Variants in CSMD3 observed in about 807,000 individuals in gnomAD.
CSMD3 encodes the protein CUB and Sushi multiple domains 3.
Under a neutral mutation model 435.2 loss-of-function variants are expected in CSMD3, and 177 were observed. That is an observed-to-expected ratio of 0.41 (90% CI 0.36 to 0.46). The LOEUF (loss-of-function observed/expected upper bound fraction) is 0.46. Among genes scored for constraint, CSMD3 ranks in the 20% least tolerant of loss-of-function variants. The pLI, the probability that CSMD3 is intolerant of heterozygous loss-of-function variation, is 0.34. For synonymous variants in CSMD3, 1,656 were observed against 1,520.5 expected (o/e 1.09, Z -2.07); for missense variants, 4,265 against 4,504.6 (o/e 0.95, Z 1.52).
At chr8:112,720,896 T>C (rs1035738943) in intron 13 of CSMD3, among the ~76,000 whole-genome samples, 1 of 152,250 alleles carries the variant, frequency 6.6e-6, no homozygotes. Flanking sequence ...GAAATTTGTA[T>C]GACTTTAGTA....
At chr8:113,066,859 A>G (rs1026955351) in intron 5 of CSMD3, among the ~76,000 whole-genome samples, 1 of 152,120 alleles carries the variant, frequency 6.6e-6, no homozygotes, top group Non-Finnish European at 1.5e-5. Flanking sequence ...TGGGACTAAG[A>G]AAATATTGCT....
chr8:113,386,897 A>T (rs2094441775), intron 1 of CSMD3, among the ~76,000 whole-genome samples: 1 of 151,854 alleles, frequency 6.6e-6, no homozygotes. Context: ...AATATGATCC[A>T]AAATTTACAC....
intron 30 of CSMD3, among the ~76,000 whole-genome samples, chr8:112,502,462 G>C (rs1055044963): frequency 2.0e-5 from 3 of 152,150 alleles, no homozygotes. Context: ...CCTTGCCCTG[G>C]CATACAGTTC....
chr8:113,125,735 T>C (rs1166901534), intron 4 of CSMD3, among the ~76,000 whole-genome samples: 1 of 151,976 alleles, frequency 6.6e-6, no homozygotes, highest in African/African-American at 2.4e-5. Flanking sequence ...GCATTGGATA[T>C]TGGATTTGGC....
intron 6 of CSMD3, among the ~76,000 whole-genome samples, chr8:113,014,305 T>C (rs2131144143): frequency 6.6e-6 from 1 of 152,252 alleles, no homozygotes; most frequent in East Asian, 1.9e-4. Context: ...TTATTTGTTC[T>C]GCAAATAATT....
At chr8:112,309,471 T>C (rs1821753199) in intron 50 of CSMD3, among the ~76,000 whole-genome samples, 1 of 151,920 alleles carries the variant, frequency 6.6e-6, no homozygotes, top group Non-Finnish European at 1.5e-5. Flanking sequence ...TTTTATATCT[T>C]TTAATTCTAT....
At chr8:113,287,972 A>AT (rs2093658777) in intron 2 of CSMD3, among the ~76,000 whole-genome samples, 1 of 151,918 alleles carries the variant, frequency 6.6e-6, no homozygotes, top group Non-Finnish European at 1.5e-5. Flanking sequence ...GAGAAATGCA[A>AT]AAAGACTACC....
At chr8:113,075,109 G>A (rs1490220742) in intron 5 of CSMD3, among the ~76,000 whole-genome samples, 2 of 151,878 alleles carry the variant, frequency 1.3e-5, no homozygotes, top group East Asian at 1.9e-4. Flanking sequence ...TGTAGCCCAA[G>A]TGAATTTTAT....
intron 6 of CSMD3, chr8:113,018,843 A>C (rs2086572527): frequency 1.9e-6 from 1 of 538,766 alleles, no homozygotes; most frequent in Non-Finnish European, 3.3e-6. Flanking sequence ...ACCTTTTAGA[A>C]ATCATAATAT....
chr8:113,337,637 T>C (rs2094086777), intron 1 of CSMD3, among the ~76,000 whole-genome samples: 1 of 151,970 alleles, frequency 6.6e-6, no homozygotes, highest in South Asian at 2.1e-4. Context: ...TAAATTAGAT[T>C]TTATCAAAAT....
chr8:112,999,090 A>C (rs1469285292), intron 6 of CSMD3, among the ~76,000 whole-genome samples: 2 of 151,980 alleles, frequency 1.3e-5, no homozygotes, highest in Non-Finnish European at 2.9e-5. Flanking sequence ...AGAATTCTCC[A>C]TATGCCTGGA....
At chr8:113,132,757 G>A (rs1182527169) in intron 4 of CSMD3, among the ~76,000 whole-genome samples, 4 of 152,130 alleles carry the variant, frequency 2.6e-5, no homozygotes, top group Admixed American at 6.6e-5. Context: ...TTGGAAACAG[G>A]AAATGCCCAA....
intron 24 of CSMD3, among the ~76,000 whole-genome samples, chr8:112,566,040 C>T (rs1403543490): frequency 2.1e-5 from 3 of 141,840 alleles, no homozygotes; most frequent in Admixed American, 1.4e-4. Flanking sequence ...CTCTCTCTCT[C>T]TTTTTTTTTT....
At chr8:112,866,840 C>T (rs1053492113) in intron 10 of CSMD3, among the ~76,000 whole-genome samples, 5 of 152,252 alleles carry the variant, frequency 3.3e-5, no homozygotes, top group South Asian at 2.1e-4. Flanking sequence ...TAGTTTCTAT[C>T]GCTTCTAGAA....
At chr8:112,920,799 C>T (rs1193421914) in intron 10 of CSMD3, among the ~76,000 whole-genome samples, 1 of 151,400 alleles carries the variant, frequency 6.6e-6, no homozygotes, top group African/African-American at 2.4e-5. Flanking sequence ...TAGTGCCTTT[C>T]TTTATTTTCT....
At chr8:112,879,609 G>T (rs570052159) in intron 10 of CSMD3, among the ~76,000 whole-genome samples, 1 of 152,122 alleles carries the variant, frequency 6.6e-6, no homozygotes, top group African/African-American at 2.4e-5. Context: ...GGCCTGGGGG[G>T]CATCACGGAA....
intron 22 of CSMD3, among the ~76,000 whole-genome samples, chr8:112,617,487 CA>C (rs1261455579): frequency 1.2e-4 from 19 of 152,122 alleles, no homozygotes; most frequent in African/African-American, 3.9e-4. Context: ...TAAAAATATT[CA>C]AGCACATTAG....
intron 23 of CSMD3, among the ~76,000 whole-genome samples, chr8:112,577,759 T>C (rs1215388087): frequency 6.6e-6 from 1 of 152,088 alleles, no homozygotes. Flanking sequence ...CAGACTCTCC[T>C]GAATCCAGTA....
rs2130278111 is a variant in CSMD3, at chr8:112,255,357, T to A, written c.9933A>T (p.Ser3311=). The change falls in exon 62 of 71, where the codon TCA becomes TCT. Residue 3311 remains serine, a synonymous_variant. Coordinates refer to ENST00000297405, the MANE Select transcript of CSMD3 (RefSeq NM_198123.2). ...KREGKSFIYQ[S]EVSFSCNFPF... Reference sequence around the variant, plus strand: ...GAAAATTGCAGCTGAATGAAACCTCTGACTGGTATATAAAGCTTTTGCCTT... The same window carrying A: ...GAAAATTGCAGCTGAATGAAACCTCAGACTGGTATATAAAGCTTTTGCCTT... The A allele has an allele frequency of 1.2e-6, 2 of 1,613,748 alleles. No individual in the cohort carries two copies. The highest frequency in any genetic ancestry group is 1.7e-6 in the Non-Finnish European group (2 of 1,179,764).
Sources: allele counts gnomAD v4.1 joint callset (sites outside exome capture counted in the v4.1 genomes callset), GRCh38; gene constraint gnomAD v4.1.1; transcripts MANE v1.5; gene names NCBI Gene and HGNC (gene_info 2026-07-23, HGNC 2026-07-21).